The following EPB41L3 variants were observed in gnomAD, a reference collection of about 807,000 sequenced individuals.
The protein encoded by EPB41L3 is band 4.1-like protein 3.
EPB41L3 carries 57 observed loss-of-function variants against 127.1 expected under a neutral mutation model. The ratio of observed to expected loss-of-function variants is 0.45; its 90% CI spans 0.36 to 0.56. The LOEUF (loss-of-function observed/expected upper bound fraction) is 0.56. Ranked by LOEUF, EPB41L3 falls within the 20% of genes least tolerant of loss-of-function variation. The pLI, the probability that EPB41L3 is intolerant of heterozygous loss-of-function variation, is 0.00. For synonymous variants in EPB41L3, 572 were observed against 549.5 expected (o/e 1.04, Z -0.57); for missense variants, 1,273 against 1,372.2 (o/e 0.93, Z 1.14).
intron 3 of EPB41L3, among the ~76,000 whole-genome samples, chr18:5,559,187 G>T (rs942365151): frequency 3.9e-5 from 6 of 152,124 alleles, no homozygotes; most frequent in Non-Finnish European, 5.9e-5. Flanking sequence ...CACCAAAGTT[G>T]CAGACTAAGA....
At chr18:5,481,450 CA>C (rs2088496289) in intron 2 of EPB41L3, among the ~76,000 whole-genome samples, 1 of 152,148 alleles carries the variant, frequency 6.6e-6, no homozygotes, top group Admixed American at 6.6e-5. Flanking sequence ...AATCTTCCCC[CA>C]ACTCGTAGAA....
In EPB41L3 at chr18:5,622,106, T is replaced by C. The variant is rs115559811; in HGVS notation, c.-468+6816A>G. Reference sequence around the variant, plus strand: ...AGGGCAAAAGAAAATTACATTTAAATATACTCAGGACTAAAATTTATTTTT... The same window carrying C: ...AGGGCAAAAGAAAATTACATTTAAACATACTCAGGACTAAAATTTATTTTT... On this transcript the variant is annotated intron_variant, in intron 1 of 21. Transcript: ENST00000545076. 9.7e-3 allele frequency among the ~76,000 whole-genome samples: 1,483 copies of C among 152,222 alleles called. 29 individuals carry two copies. The highest frequency in any genetic ancestry group is 0.034 in the African/African-American group (1,406 of 41,510).
At chr18:5,556,708 G>A (rs1274594962) in intron 3 of EPB41L3, among the ~76,000 whole-genome samples, 1 of 152,170 alleles carries the variant, frequency 6.6e-6, no homozygotes, top group Non-Finnish European at 1.5e-5. Context: ...GGGGAACAGA[G>A]CAGGAAACAT....
intron 4 of EPB41L3, among the ~76,000 whole-genome samples, chr18:5,444,234 C>T (rs765265390): frequency 3.3e-5 from 5 of 152,244 alleles, no homozygotes; most frequent in Non-Finnish European, 7.3e-5. Context: ...TAACTGGATA[C>T]ACTGATATCC....
intron 3 of EPB41L3, among the ~76,000 whole-genome samples, chr18:5,468,297 G>A (rs542497149): frequency 3.1e-4 from 47 of 152,262 alleles, no homozygotes; most frequent in Non-Finnish European, 4.7e-4. Context: ...GGCAGAAAGG[G>A]GTGGGTCCCT....
intron 3 of EPB41L3, among the ~76,000 whole-genome samples, chr18:5,564,780 C>G (rs1374582683): frequency 3.9e-5 from 6 of 152,148 alleles, no homozygotes; most frequent in Non-Finnish European, 7.3e-5. Flanking sequence ...ACTGGACTCC[C>G]TGCCACCAAC....
intron 14 of EPB41L3, among the ~76,000 whole-genome samples, chr18:5,409,686 G>T (rs1292960450): frequency 2.2e-5 from 3 of 138,550 alleles, no homozygotes; most frequent in Admixed American, 7.6e-5. Flanking sequence ...TACCAAACTA[G>T]AAAATATTAT....
At chr18:5,483,197 T>C (rs751068220) in intron 2 of EPB41L3, among the ~76,000 whole-genome samples, 1 of 152,128 alleles carries the variant, frequency 6.6e-6, no homozygotes, top group Admixed American at 6.5e-5. Flanking sequence ...TGTGCGTGCA[T>C]GTGTGTATGT....
At chr18:5,544,082 A>G (rs932768260), upstream of EPB41L3, 39 of 985,352 alleles carry the variant, frequency 4.0e-5, no homozygotes, top group Non-Finnish European at 4.7e-5. Flanking sequence ...GGCTCCGCGG[A>G]GCTGCGGCGG....
At chr18:5,495,444 C>T (rs1201472642) in intron 1 of EPB41L3, among the ~76,000 whole-genome samples, 1 of 150,402 alleles carries the variant, frequency 6.6e-6, no homozygotes, top group Admixed American at 6.6e-5. Context: ...AGGCCACAGG[C>T]CCCAGTCCCC....
At chr18:5,410,064 G>A (rs533704025) in intron 14 of EPB41L3, among the ~76,000 whole-genome samples, 1 of 152,122 alleles carries the variant, frequency 6.6e-6, no homozygotes, top group African/African-American at 2.4e-5. Context: ...CTACAAAAAT[G>A]AGTCAGGTAA....
chr18:5,527,477 G>A (rs2093267884), intron 1 of EPB41L3, among the ~76,000 whole-genome samples: 1 of 152,098 alleles, frequency 6.6e-6, no homozygotes, highest in Non-Finnish European at 1.5e-5. Context: ...TTTCATTTGA[G>A]GATTTACTGA....
intron 3 of EPB41L3, among the ~76,000 whole-genome samples, chr18:5,574,765 A>C (rs2094320866): frequency 6.6e-6 from 1 of 152,186 alleles, no homozygotes; most frequent in Non-Finnish European, 1.5e-5. Context: ...CCTTATGACT[A>C]TTCTGGGAGA....
Position 5,540,092 on chromosome 18 carries a change from G to A in EPB41L3, c.-12+3821C>T, listed in dbSNP as rs2093679217. On this transcript the variant is annotated intron_variant, in intron 1 of 22. Coordinates refer to ENST00000341928, the MANE Select transcript of EPB41L3 (RefSeq NM_012307.5). ...AGAATTTAAAAAGAATGCTGTTTTA[G>A]TACAAAGAACAGTAAGAAATATGTT... Among the ~76,000 whole-genome samples the A allele has an allele frequency of 3.3e-5, 5 of 152,058 alleles. No homozygotes were observed. The South Asian group carries it at 1.0e-3, about 32-fold the overall frequency.
At chr18:5,462,865 ACTTTC>A (rs1291126238) in intron 3 of EPB41L3, among the ~76,000 whole-genome samples, 1 of 152,204 alleles carries the variant, frequency 6.6e-6, no homozygotes, top group African/African-American at 2.4e-5. Flanking sequence ...GTAGATTGCT[ACTTTC>A]ATATTCCAGG....
upstream of EPB41L3, among the ~76,000 whole-genome samples, chr18:5,629,276 C>G (rs1160113770): frequency 6.6e-6 from 1 of 151,852 alleles, no homozygotes; most frequent in African/African-American, 2.4e-5. Context: ...AGGAGAGGAG[C>G]CGGCAGCGCG....
chr18:5,561,126 C>T (rs1785396), intron 3 of EPB41L3, among the ~76,000 whole-genome samples: 92,563 of 143,706 alleles, frequency 0.64, 33,234 homozygotes, highest in Non-Finnish European at 0.79. Flanking sequence ...TACAGGCGCC[C>T]GCCACTACGC....
At chr18:5,495,345 G>C (rs1158639388) in intron 1 of EPB41L3, among the ~76,000 whole-genome samples, 1 of 150,892 alleles carries the variant, frequency 6.6e-6, no homozygotes, top group Non-Finnish European at 1.5e-5. Flanking sequence ...TCATCAATAT[G>C]GAGACAAAGA....
At chr18:5,514,850 ATAT>A (rs1338089498) in intron 1 of EPB41L3, among the ~76,000 whole-genome samples, 1 of 152,172 alleles carries the variant, frequency 6.6e-6, no homozygotes, top group African/African-American at 2.4e-5. Context: ...TGCACCCATA[ATAT>A]TCTCTTTTTC....
Sources: allele counts gnomAD v4.1 joint callset (sites outside exome capture counted in the v4.1 genomes callset), GRCh38; gene constraint gnomAD v4.1.1; transcripts MANE v1.5; gene names NCBI Gene and HGNC (gene_info 2026-07-23, HGNC 2026-07-21).